The following ATF7 variants were observed in gnomAD, a reference collection of about 807,000 sequenced individuals.
ATF7 encodes cyclic AMP-dependent transcription factor ATF-7.
In ATF7, 10 loss-of-function variants were observed where a neutral mutation model predicts 50.4. That is an observed-to-expected ratio of 0.20 (90% confidence interval 0.12 to 0.34). The LOEUF is 0.34. Ranked by LOEUF, ATF7 falls within the 10% of genes least tolerant of loss-of-function variation. The pLI is 1.00. For synonymous variants in ATF7, 201 were observed against 226.4 expected, an observed-to-expected ratio of 0.89 and a Z score of 1.01; for missense variants, 465 against 613.9, an observed-to-expected ratio of 0.76 and a Z score of 2.56.
At chr12:53,577,498 C>T (rs979600652) in intron 2 of ATF7, among the ~76,000 whole-genome samples, 1 of 151,836 alleles carries the variant, frequency 6.6e-6, no homozygotes, top group African/African-American at 2.4e-5. Context: ...GGGTGGATCA[C>T]GAGGTCAGGA....
intron 4 of ATF7, 180 bp downstream of exon 4, chr12:53,543,150 G>C (rs942982313): frequency 1.4e-5 from 21 of 1,493,048 alleles, no homozygotes; most frequent in Non-Finnish European, 1.7e-5. Flanking sequence ...CCATCATCTG[G>C]AACTCCTAAA....
intron 1 of ATF7, among the ~76,000 whole-genome samples, chr12:53,621,486 A>G (rs1944375875): frequency 6.6e-6 from 1 of 152,232 alleles, no homozygotes; most frequent in African/African-American, 2.4e-5. Flanking sequence ...AAAGTTGTCA[A>G]AAAATCAACT....
At chr12:53,534,419 A>G in intron 6 of ATF7, 83 bp downstream of exon 6, 5 of 1,582,566 alleles carry the variant, frequency 3.2e-6, no homozygotes, top group Non-Finnish European at 4.3e-6. Flanking sequence ...GGGTATTGGA[A>G]AACAGTCCCA....
At position 53,541,241 on chromosome 12, in the gene ATF7, A is replaced by G. The variant is rs1203326602; in HGVS notation, c.264+2089T>C. Among the ~76,000 whole-genome samples the G allele has an allele frequency of 5.9e-5, 9 of 152,196 alleles. 1 individual carries two copies. Among genetic ancestry groups the G allele is most frequent in the Non-Finnish European group, 1.0e-4 (7 of 68,028 alleles). ...CCCATGGAAATTTTTTCTTAAATATAGGGAAAAATAGAAGCGGTTCCAGCT... is the reference window on the plus strand; with the variant it reads ...CCCATGGAAATTTTTTCTTAAATATGGGGAAAAATAGAAGCGGTTCCAGCT... On this transcript the variant is annotated intron_variant, in intron 4 of 11. Coordinates refer to ENST00000420353, the MANE Select transcript of ATF7 (RefSeq NM_006856.3).
At chr12:53,608,355 G>C (rs1943704289) in intron 1 of ATF7, among the ~76,000 whole-genome samples, 1 of 151,752 alleles carries the variant, frequency 6.6e-6, no homozygotes, top group African/African-American at 2.4e-5. Flanking sequence ...ACAGAACCAA[G>C]TGACAAATTA....
intron 2 of ATF7, among the ~76,000 whole-genome samples, chr12:53,584,931 A>G (rs4019971): frequency 0.51 from 77,278 of 151,908 alleles, 20,239 homozygotes; most frequent in East Asian, 0.95. Context: ...GATATTTAGG[A>G]CAGTGAAACT....
In ATF7 at chr12:53,587,820, C is replaced by CATAT. The variant is rs1242121330; in HGVS notation, c.48+13129_48+13132dup. Among the ~76,000 whole-genome samples the CATAT allele has an allele frequency of 2.1e-3, 144 of 66,988 alleles. 1 individual carries two copies. Among genetic ancestry groups the CATAT allele is most frequent in the South Asian group, 3.9e-3 (4 of 1,032 alleles). 43.9% of individuals were successfully genotyped at this position (66,988 alleles called of 152,430 possible). A position where few individuals can be genotyped will look rare whatever the true frequency, so the allele number is the denominator to read the frequency against. On this transcript the variant is annotated intron_variant, in intron 2 of 11. Coordinates refer to ENST00000420353, the MANE Select transcript of ATF7 (RefSeq NM_006856.3). ...TTTTGATCCTCTATGTATACTTCTA[C>CATAT]ATATATATATATATATATATATATT...
intron 2 of ATF7, among the ~76,000 whole-genome samples, chr12:53,586,882 C>A (rs1198528831): frequency 3.3e-5 from 5 of 152,164 alleles, no homozygotes; most frequent in African/African-American, 7.2e-5. Flanking sequence ...CAAATGAGAT[C>A]TTTGGATATC....
At chr12:53,554,636 G>T (rs868766617) in intron 2 of ATF7, among the ~76,000 whole-genome samples, 1 of 151,474 alleles carries the variant, frequency 6.6e-6, no homozygotes, top group Non-Finnish European at 1.5e-5. Flanking sequence ...GCCTAGGTGG[G>T]TGGATCACTT....
downstream of ATF7, among the ~76,000 whole-genome samples, chr12:53,508,956 G>A (rs1180182049): frequency 6.6e-6 from 1 of 152,196 alleles, no homozygotes; most frequent in Non-Finnish European, 1.5e-5. Context: ...ATATAGAGTA[G>A]CCTAGAATCC....
chr12:53,525,014 AAGAC>A (rs1439924781), intron 9 of ATF7: 18 of 409,188 alleles, frequency 4.4e-5, no homozygotes, highest in Non-Finnish European at 6.9e-5. Context: ...GATTATTTAT[AAGAC>A]AGACAGACAA....
chr12:53,537,701 C>T (rs1277220891), intron 4 of ATF7, 149 bp from the exon 5 acceptor site: 2 of 951,168 alleles, frequency 2.1e-6, no homozygotes, highest in Non-Finnish European at 3.1e-6. Flanking sequence ...TAAATGTGGG[C>T]CCCTTATGTT....
intron 2 of ATF7, among the ~76,000 whole-genome samples, chr12:53,557,000 CT>C (rs1314998018): frequency 6.6e-6 from 1 of 150,584 alleles, no homozygotes; most frequent in East Asian, 2.0e-4. Context: ...TCAAATGAGT[CT>C]CCTGCCTCAG....
intron 9 of ATF7, among the ~76,000 whole-genome samples, chr12:53,527,417 G>A (rs1305776419): frequency 6.7e-6 from 1 of 150,186 alleles, no homozygotes; most frequent in Non-Finnish European, 1.5e-5. Flanking sequence ...AGAAGGTTGA[G>A]GCTGCAAGTG....
At chr12:53,565,133 G>A (rs1330256399) in intron 2 of ATF7, among the ~76,000 whole-genome samples, 1 of 152,006 alleles carries the variant, frequency 6.6e-6, no homozygotes, top group Non-Finnish European at 1.5e-5. Context: ...AAATTCATGA[G>A]CCCCATGGGT....
At chr12:53,587,839 ATATATT>A (rs1284262567) in intron 2 of ATF7, among the ~76,000 whole-genome samples, 9,202 of 62,670 alleles carry the variant, frequency 0.15, 306 homozygotes, top group Admixed American at 0.27. Flanking sequence ...ATATATATAT[ATATATT>A]TTTTTTTTTT....
intron 1 of ATF7, among the ~76,000 whole-genome samples, chr12:53,618,909 G>A (rs994229699): frequency 8.6e-5 from 13 of 151,984 alleles, no homozygotes; most frequent in Middle Eastern, 3.4e-3. Flanking sequence ...AAAGTTAGCC[G>A]GGCGCAGTGG....
intron 2 of ATF7, among the ~76,000 whole-genome samples, chr12:53,560,256 G>A (rs1225537295): frequency 1.3e-5 from 2 of 151,768 alleles, no homozygotes; most frequent in African/African-American, 4.8e-5. Context: ...AGAGAGACAG[G>A]TATTATAGTA....
At chr12:53,614,855 C>T (rs929397552) in intron 1 of ATF7, among the ~76,000 whole-genome samples, 49 of 152,084 alleles carry the variant, frequency 3.2e-4, no homozygotes, top group African/African-American at 1.2e-3. Context: ...CCAAGGCAGG[C>T]GGATCGCCTG....
Sources: gnomAD v4.1 joint callset for allele counts (sites outside exome capture counted in the v4.1 genomes callset) on GRCh38, gnomAD v4.1.1 for gene constraint, MANE v1.5 for transcripts, NCBI Gene and HGNC (gene_info 2026-07-23, HGNC 2026-07-21) for gene names.